CC2D1B: variants seen among roughly 807,000 people sequenced by gnomAD.
The protein encoded by CC2D1B is coiled-coil and C2 domain-containing protein 1B.
In CC2D1B, 92 loss-of-function variants were observed where a neutral mutation model predicts 110.8. The observed-to-expected ratio is 0.83, with a 90% confidence interval of 0.70 to 0.99. CC2D1B has a LOEUF of 0.99. Ranked by LOEUF, CC2D1B falls within the 50% of genes least tolerant of loss-of-function variation. The probability of loss-of-function intolerance (pLI) is 0.00; values close to 1 mark genes in which losing one functional copy is unlikely to be tolerated. For missense variants in CC2D1B, 1,136 were observed against 1,089.0 expected (o/e 1.04, Z -0.61); for synonymous variants, 406 against 429.2 (o/e 0.95, Z 0.67).
chr1:52,355,283 T>G (rs1646623256), intron 21 of CC2D1B, 115 bp downstream of exon 21: 3 of 1,095,110 alleles, frequency 2.7e-6, no homozygotes, highest in Non-Finnish European at 4.1e-6. Context: ...AACAGCACCT[T>G]TATCTCCCAA....
At chr1:52,356,580 A>G (rs1448110990) in intron 16 of CC2D1B, 138 bp from the exon 17 acceptor site, 2 of 849,140 alleles carry the variant, frequency 2.4e-6, no homozygotes, top group African/African-American at 1.7e-5. Context: ...CCCCAAGGGC[A>G]CTACTCCCAA....
Position 52,355,675 on chromosome 1 carries a change from GA to G in CC2D1B, c.2129-10del. ...GTCATCGGGAGTCACCCCTGGGAAG[GA>G]GAAAAGGGAGTCAAGTCAGAGGGAG... On this transcript the variant is annotated splice_polypyrimidine_tract_variant and intron_variant, in intron 19 of 24. Transcript: ENST00000284376. 6.2e-7 allele frequency: 1 copy of G among 1,614,194 alleles called. No homozygotes were observed.
In CC2D1B at chr1:52,358,976, CA is replaced by C. The variant is rs529670775; in HGVS notation, c.1257+50del. On this transcript the variant is annotated intron_variant, in intron 11 of 24. Transcript: ENST00000284376. ...CGGAGGACCAGGGAGACAGAGCACC[CA>C]GCCAGGGAAGAGGCCAGCACAGGCA... 6.0e-4 allele frequency: 951 copies of C among 1,591,388 alleles called. 5 individuals are homozygous for C. The highest frequency in any genetic ancestry group is 2.5e-3 in the South Asian group (227 of 90,402).
chr1:52,356,407 C>T lies in CC2D1B; in HGVS notation c.1914G>A (p.Gln638=). ...CLLFSKQFMH[Q]GNVAETTRFE... is the part of the protein sequence containing the mutation. Reference sequence around the variant, plus strand: ...ACCGGGTGGTCTCAGCCACGTTGCCCTGGTGCATGAACTGCTTGGAGAACA... The same window carrying T: ...ACCGGGTGGTCTCAGCCACGTTGCCTTGGTGCATGAACTGCTTGGAGAACA... Residue 638 remains glutamine (Q), a synonymous_variant, in exon 17 of 25, where the codon CAG becomes CAA. Transcript: ENST00000284376. 1 of 1,614,262 alleles carries T rather than the reference C, an allele frequency of 6.2e-7. No homozygotes were observed. The highest frequency in any genetic ancestry group is 1.3e-5 in the African/African-American group (1 of 75,068).
At chr1:52,360,894 T>C in intron 5 of CC2D1B, 80 bp downstream of exon 5, 1 of 1,524,194 alleles carries the variant, frequency 6.6e-7, no homozygotes, top group Non-Finnish European at 9.0e-7. Context: ...GCAGCCTTGC[T>C]GTGCAGGCCA....
At chr1:52,363,780 A>C (rs1646832602) in intron 2 of CC2D1B, among the ~76,000 whole-genome samples, 1 of 151,324 alleles carries the variant, frequency 6.6e-6, no homozygotes. Flanking sequence ...TCCCGGGTCT[A>C]AGCGATTCTC....
chr1:52,364,607 G>A lies in CC2D1B; in HGVS notation c.14C>T (p.Pro5Leu), dbSNP rs773650217. 2 of 1,606,988 alleles carry A rather than the reference G, an allele frequency of 1.2e-6. No individual in the cohort carries two copies. Among genetic ancestry groups the A allele is most frequent in the East Asian group, 4.5e-5 (2 of 44,688 alleles). Residue 5 changes from proline (P) to leucine (L), a missense_variant, in exon 2 of 25, where the codon CCA becomes CTA. Transcript: ENST00000284376. ...GGCCTGAGGGCCCTTCCGAGGTCTT[G>A]GCCCTGGCATCATGGCAGCCTAGAT... is the stretch of plus-strand genomic sequence containing the variant. MMPG[P>L]RPRKGPQARG...
intron 5 of CC2D1B, 53 bp downstream of exon 5, chr1:52,360,921 C>T (rs982345345): frequency 8.7e-6 from 14 of 1,602,616 alleles, no homozygotes; most frequent in Non-Finnish European, 1.2e-5. Flanking sequence ...ACACGTGTTA[C>T]GTCTGGGCGC....
At position 52,354,593 on chromosome 1, in the gene CC2D1B, C is replaced by T. The variant is rs1202554427; in HGVS notation, c.2430+15G>A. The stretch of plus-strand genomic sequence containing the variant: ...CGTACCAACCCCTTTGGCTTGCCCA[C>T]ACCCCAGCCCCTACCTCCACAATTT... On this transcript the variant is annotated intron_variant, in intron 23 of 24. Coordinates refer to ENST00000284376, the MANE Select transcript of CC2D1B (RefSeq NM_001330585.2). The T allele has an allele frequency of 1.2e-6, 2 of 1,612,180 alleles. No individual in the cohort carries two copies. The highest frequency in any genetic ancestry group is 2.7e-5 in the African/African-American group (2 of 74,918).
intron 3 of CC2D1B, 83 bp downstream of exon 3, chr1:52,362,519 G>A (rs1049999883): frequency 7.9e-6 from 12 of 1,527,080 alleles, no homozygotes; most frequent in East Asian, 4.5e-5. Flanking sequence ...GGCTGGCTCC[G>A]TCCAGCTGCA....
intron 23 of CC2D1B, 50 bp from the exon 24 acceptor site, chr1:52,353,697 G>T: frequency 7.2e-7 from 1 of 1,380,016 alleles, no homozygotes; most frequent in South Asian, 1.3e-5. Context: ...CAGAGATGGG[G>T]AGCAGGCAGG....
intron 5 of CC2D1B, 79 bp downstream of exon 5, chr1:52,360,895 G>C: frequency 7.2e-6 from 11 of 1,535,886 alleles, no homozygotes; most frequent in Non-Finnish European, 9.8e-6. Context: ...CAGCCTTGCT[G>C]TGCAGGCCAG....
Position 52,356,360 on chromosome 1 carries a change from C to T in CC2D1B, c.1937+24G>A, listed in dbSNP as rs764719443. The stretch of plus-strand genomic sequence containing the variant: ...GATTTTCTGCTCCCCACCCTATGAG[C>T]CCAGCCCCAGCCCTTGCACTTACCG... On this transcript the variant is annotated intron_variant, in intron 17 of 24. Transcript: ENST00000284376. 5 of 1,613,978 alleles carry T rather than the reference C, an allele frequency of 3.1e-6. No individual in the cohort carries two copies. The East Asian group carries it at 6.7e-5, about 22-fold the overall frequency.
chr1:52,363,252 G>C (rs529442452), intron 2 of CC2D1B, among the ~76,000 whole-genome samples: 1 of 151,864 alleles, frequency 6.6e-6, no homozygotes, highest in African/African-American at 2.4e-5. Flanking sequence ...AAAATTAGCC[G>C]GGCGCGGTGG....
In CC2D1B at chr1:52,354,775, C is replaced by T; in HGVS notation, c.2339+65G>A. The T allele has an allele frequency of 1.9e-6, 3 of 1,597,156 alleles. No homozygotes were observed. The East Asian group carries it at 6.7e-5, about 36-fold the overall frequency. ...TGTGCTGGCTGAGCCCATGCAGGGG[C>T]AGCAGTGACAAACGCTCTTCCCTCC... On this transcript the variant is annotated intron_variant, in intron 22 of 24. Transcript: ENST00000284376.
In CC2D1B at chr1:52,361,029, T is replaced by TC. The variant is rs1169272982; in HGVS notation, c.421dup (p.Asp141GlyfsTer3). On this transcript the variant is annotated frameshift_variant, in exon 5 of 25. Transcript: ENST00000284376. LOFTEE classifies it high-confidence loss of function. Reference sequence around the variant, plus strand: ...GGCTGTCTGCACTGGAGGTTCAGTGTCTTCTAGGCCGTTCTCCTCCTCAGA... The same window carrying TC: ...GGCTGTCTGCACTGGAGGTTCAGTGTCCTTCTAGGCCGTTCTCCTCCTCAGA... The TC allele has an allele frequency of 6.2e-7, 1 of 1,614,000 alleles. No homozygotes were observed. The highest frequency in any genetic ancestry group is 8.5e-7 in the Non-Finnish European group (1 of 1,180,018).
chr1:52,355,386 T>C lies in CC2D1B; in HGVS notation c.2239+12A>G, dbSNP rs771344611. On this transcript the variant is annotated intron_variant, in intron 21 of 24. Coordinates refer to ENST00000284376, the MANE Select transcript of CC2D1B (RefSeq NM_001330585.2). ...CTGAGGGAGGAGAAAGAGGCCCACG[T>C]GTGGCCCTCACCTGGAGAGTTTGTG... 1 of 1,613,530 alleles carries C rather than the reference T, an allele frequency of 6.2e-7. No individual in the cohort carries two copies. The highest frequency in any genetic ancestry group is 8.5e-7 in the Non-Finnish European group (1 of 1,179,592).
chr1:52,356,530 C>CT, intron 16 of CC2D1B, 88 bp from the exon 17 acceptor site: 1 of 1,424,962 alleles, frequency 7.0e-7, no homozygotes, highest in Non-Finnish European at 9.9e-7. Context: ...AAAGCTTCAA[C>CT]TTTCCTCTGT....
intron 17 of CC2D1B, 27 bp downstream of exon 17, chr1:52,356,357 G>C (rs750868156): frequency 6.2e-7 from 1 of 1,614,104 alleles, no homozygotes; most frequent in Non-Finnish European, 8.5e-7. Context: ...CCCACCCTAT[G>C]AGCCCAGCCC....
Sources: gnomAD v4.1 joint callset for allele counts (sites outside exome capture counted in the v4.1 genomes callset) on GRCh38, gnomAD v4.1.1 for gene constraint, MANE v1.5 for transcripts, NCBI Gene and HGNC (gene_info 2026-07-23, HGNC 2026-07-21) for gene names.